DPYSL4: variants seen among roughly 807,000 people sequenced by gnomAD.
DPYSL4 encodes the protein dihydropyrimidinase-related protein 4.
In DPYSL4, 43 loss-of-function variants were observed where a neutral mutation model predicts 63.4. The ratio of observed to expected loss-of-function variants is 0.68; its 90% CI spans 0.53 to 0.88. The LOEUF (loss-of-function observed/expected upper bound fraction) is 0.88. Among genes scored for constraint, DPYSL4 ranks in the 40% least tolerant of loss-of-function variants. The pLI is 0.00. For synonymous variants in DPYSL4, 353 were observed against 331.7 expected, an observed-to-expected ratio of 1.06 and a Z score of -0.70; for missense variants, 733 against 819.5, an observed-to-expected ratio of 0.89 and a Z score of 1.29.
chr10:132,195,034 G>T (rs1183548485), intron 4 of DPYSL4, 25 bp downstream of exon 4: 1 of 1,591,804 alleles, frequency 6.3e-7, no homozygotes, highest in Non-Finnish European at 8.5e-7. Context: ...AGGGGCTGGA[G>T]GGCGGGCATG....
intron 1 of DPYSL4, among the ~76,000 whole-genome samples, chr10:132,189,308 A>G (rs889819976): frequency 6.6e-6 from 1 of 150,516 alleles, no homozygotes; most frequent in Non-Finnish European, 1.5e-5. Context: ...ACCTCCTTTC[A>G]CTCCTTTTTT....
At chr10:132,188,181 G>A (rs2061830100) in intron 1 of DPYSL4, among the ~76,000 whole-genome samples, 1 of 152,178 alleles carries the variant, frequency 6.6e-6, no homozygotes, top group African/African-American at 2.4e-5. Flanking sequence ...CCTTCCCAGG[G>A]GAGGTCAGGC....
chr10:132,195,425 A>G (rs1170340696), intron 4 of DPYSL4, among the ~76,000 whole-genome samples: 3 of 152,192 alleles, frequency 2.0e-5, no homozygotes, highest in Admixed American at 6.5e-5. Context: ...TTTCCCCACA[A>G]AAAACCCTGA....
chr10:132,203,042 C>A (rs1475882409), intron 12 of DPYSL4, among the ~76,000 whole-genome samples: 1 of 152,224 alleles, frequency 6.6e-6, no homozygotes, highest in Non-Finnish European at 1.5e-5. Flanking sequence ...GACCTTCAGG[C>A]CCTGGATCAG....
intron 1 of DPYSL4, among the ~76,000 whole-genome samples, chr10:132,189,193 C>T (rs996927246): frequency 1.3e-5 from 2 of 152,264 alleles, no homozygotes; most frequent in African/African-American, 2.4e-5. Context: ...CTGTTAAATG[C>T]AGACGGTCAG....
Position 132,187,022 on chromosome 10 carries a change from C to A in DPYSL4, c.-42C>A. Reference sequence around the variant, plus strand: ...CCCCGCCCGCCCGCCCGCCCGCCCGCCCCCGCTTGTGCCGCCCCTACCAGA... The same window carrying A: ...CCCCGCCCGCCCGCCCGCCCGCCCGACCCCGCTTGTGCCGCCCCTACCAGA... On this transcript the variant is annotated 5_prime_UTR_variant, in exon 1 of 14. Transcript: ENST00000338492. 4 of 363,238 alleles carry A rather than the reference C, an allele frequency of 1.1e-5. No individual in the cohort carries two copies. The highest frequency in any genetic ancestry group is 5.4e-5 in the South Asian group (1 of 18,566). The allele number at this position is 363,238 out of a possible 1,614,324, so 22.5% of individuals were successfully genotyped here.
intron 4 of DPYSL4, among the ~76,000 whole-genome samples, chr10:132,196,105 G>A (rs1565041642): frequency 6.6e-6 from 1 of 152,250 alleles, no homozygotes; most frequent in Non-Finnish European, 1.5e-5. Flanking sequence ...TTTCCCCAGT[G>A]TGCCTTAGCT....
At position 132,192,687 on chromosome 10, in the gene DPYSL4, G is replaced by A. The variant is rs1462095937; in HGVS notation, c.158G>A (p.Gly53Glu). ...KQIGENLIVP[G>E]GIKTIDAHGL... ...ATCGGAGAAAACCTCATCGTCCCTG[G>A]GGGCATCAAGACCATTGACGCCCAC... The change falls in exon 3 of 14, where the codon GGG becomes GAG. Residue 53 changes from glycine to glutamate, a missense_variant. Coordinates refer to ENST00000338492, the MANE Select transcript of DPYSL4 (RefSeq NM_006426.3). 6.2e-7 allele frequency: 1 copy of A among 1,612,022 alleles called. No homozygotes were observed. Among genetic ancestry groups the A allele is most frequent in the Non-Finnish European group, 8.5e-7 (1 of 1,179,336 alleles).
rs760228931 is a variant in DPYSL4, at chr10:132,197,084, G to C, written c.604G>C (p.Gly202Arg). Residue 202 changes from glycine to arginine, a missense_variant, in exon 6 of 14, where the codon GGG (glycine) becomes CGG (arginine). By Grantham distance (125) the Gly-to-Arg change is moderately radical. Coordinates refer to ENST00000338492, the MANE Select transcript of DPYSL4 (RefSeq NM_006426.3). ...GALAQVHAEN[G>R]DIVEEEQKRL... ...CTTGGCCCAGGTGCACGCTGAGAAC[G>C]GGGACATCGTGGAGGAGGTGCCGTG... The C allele has an allele frequency of 3.9e-6, 6 of 1,534,446 alleles. No individual in the cohort carries two copies. Among genetic ancestry groups the C allele is most frequent in the Non-Finnish European group, 4.4e-6 (5 of 1,137,682 alleles).
rs747032352 is a variant in DPYSL4 at position 132,200,955 on chromosome 10, G to GC, written c.1083dup (p.Met362HisfsTer18). 1 of 1,613,262 alleles carries GC rather than the reference G, an allele frequency of 6.2e-7. No individual in the cohort carries two copies. Among genetic ancestry groups the GC allele is most frequent in the East Asian group, 2.2e-5 (1 of 44,890 alleles). On this transcript the variant is annotated frameshift_variant, in exon 10 of 14. Transcript: ENST00000338492. LOFTEE classifies it high-confidence loss of function. ...GAGGGCACCAACGGCATTGAGGAGC[G>GC]CATGTCGATGGTCTGGGAGAAATGT...
chr10:132,190,658 C>CA (rs2061862441), intron 1 of DPYSL4, 89 bp from the exon 2 acceptor site: 1 of 1,296,634 alleles, frequency 7.7e-7, no homozygotes, highest in East Asian at 2.5e-5. Flanking sequence ...CTGAATGTTT[C>CA]AGTCATAATT....
At position 132,201,100 on chromosome 10, in the gene DPYSL4, A is replaced by G. The variant is rs996429079; in HGVS notation, c.1110+117A>G. ...GCACACTCGTGAAACAGATCAGAGC[A>G]CACGGGCTCCGGGGTGGCGGATTCC... On this transcript the variant is annotated intron_variant, in intron 10 of 13. Coordinates refer to ENST00000338492, the MANE Select transcript of DPYSL4 (RefSeq NM_006426.3). The G allele has an allele frequency of 2.8e-6, 4 of 1,420,132 alleles. No homozygotes were observed. In the Admixed American group the frequency reaches 9.5e-5, roughly 34 times the overall value. 88.0% of individuals were successfully genotyped at this position (1,420,132 alleles called of 1,614,324 possible).
rs757758956 is a variant in DPYSL4, at chr10:132,198,965, C to A, written c.805C>A (p.Arg269Ser). 2 of 1,608,860 alleles carry A rather than the reference C, an allele frequency of 1.2e-6. No homozygotes were observed. The highest frequency in any genetic ancestry group is 1.7e-5 in the Admixed American group (1 of 59,798). Residue 269 changes from arginine to serine, a missense_variant, in exon 8 of 14, where the codon CGC becomes AGC. By Grantham distance (110) the Arg-to-Ser change is moderately radical. Coordinates refer to ENST00000338492, the MANE Select transcript of DPYSL4 (RefSeq NM_006426.3). ...GGCCGACGCCATCGCTCAGGCCAAG[C>A]GCAGAGGTGAGCACCCAGCCCCGCC... ...GAADAIAQAKRRGVVVFGEPI... is the reference protein window; with the variant it reads ...GAADAIAQAKSRGVVVFGEPI...
At chr10:132,195,308 C>T (rs10781563) in intron 4 of DPYSL4, among the ~76,000 whole-genome samples, 74,781 of 152,104 alleles carry the variant, frequency 0.49, 19,658 homozygotes, top group East Asian at 0.91. Context: ...AGCAGTTCCC[C>T]AGTCTCCTAG....
chr10:132,187,155 G>T, intron 1 of DPYSL4, 53 bp downstream of exon 1: 1 of 1,394,340 alleles, frequency 7.2e-7, no homozygotes. Flanking sequence ...CCGGAGTGGG[G>T]CCTGGACGCC....
At chr10:132,198,125 C>T (rs1347373375) in intron 6 of DPYSL4, among the ~76,000 whole-genome samples, 1 of 152,224 alleles carries the variant, frequency 6.6e-6, no homozygotes, top group Non-Finnish European at 1.5e-5. Context: ...GCGTGATGGG[C>T]ATAGTGGTGG....
At chr10:132,188,341 G>T (rs1222169520) in intron 1 of DPYSL4, among the ~76,000 whole-genome samples, 1 of 152,172 alleles carries the variant, frequency 6.6e-6, no homozygotes, top group East Asian at 1.9e-4. Context: ...ACACTTGGGC[G>T]CCTATGAGCA....
chr10:132,188,494 C>A (rs1440037766), intron 1 of DPYSL4, among the ~76,000 whole-genome samples: 4 of 152,224 alleles, frequency 2.6e-5, no homozygotes, highest in Non-Finnish European at 4.4e-5. Flanking sequence ...GGGCCTGATG[C>A]GGCCACAGAG....
chr10:132,190,361 G>A (rs993406874), intron 1 of DPYSL4, among the ~76,000 whole-genome samples: 6 of 152,230 alleles, frequency 3.9e-5, no homozygotes, highest in African/African-American at 1.4e-4. Flanking sequence ...CAGGGTGGAG[G>A]AGAGCAGGAT....
Sources: gnomAD v4.1 joint callset for allele counts (sites outside exome capture counted in the v4.1 genomes callset) on GRCh38, gnomAD v4.1.1 for gene constraint, MANE v1.5 for transcripts, NCBI Gene and HGNC (gene_info 2026-07-23, HGNC 2026-07-21) for gene names.